GPD2: variants seen among roughly 807,000 people sequenced by gnomAD.
The protein encoded by GPD2 is glycerol-3-phosphate dehydrogenase 2, also known as glycerol-3-phosphate dehydrogenase, mitochondrial.
A neutral mutation model predicts 82.4 loss-of-function variants in GPD2; 54 were observed. That is an observed-to-expected ratio of 0.66 (90% CI 0.53 to 0.82). GPD2 has a LOEUF of 0.82. Among genes scored for constraint, GPD2 ranks in the 40% least tolerant of loss-of-function variants. GPD2 has a pLI of 0.00. For synonymous variants in GPD2, 288 were observed against 306.1 expected (o/e 0.94, Z 0.62); for missense variants, 748 against 896.2 (o/e 0.83, Z 2.11).
intron 6 of GPD2, among the ~76,000 whole-genome samples, chr2:156,523,357 T>G (rs574455030): frequency 1.3e-5 from 2 of 152,294 alleles, no homozygotes; most frequent in African/African-American, 4.8e-5. Context: ...TCAGCTACCA[T>G]TGATTTTTAA....
chr2:156,578,175 G>A (rs1687893038), intron 13 of GPD2, among the ~76,000 whole-genome samples: 1 of 152,152 alleles, frequency 6.6e-6, no homozygotes, highest in Non-Finnish European at 1.5e-5. Context: ...AATTGACACT[G>A]AGGACATTGA....
chr2:156,567,292 CTCT>C (rs1476265415), intron 9 of GPD2, among the ~76,000 whole-genome samples: 1 of 151,772 alleles, frequency 6.6e-6, no homozygotes, highest in Non-Finnish European at 1.5e-5. Flanking sequence ...TGTCATAAAG[CTCT>C]TCTTATATGT....
At chr2:156,534,851 C>A (rs566044392) in intron 6 of GPD2, among the ~76,000 whole-genome samples, 3 of 151,624 alleles carry the variant, frequency 2.0e-5, no homozygotes, top group African/African-American at 7.3e-5. Context: ...GACAAGGAAA[C>A]CATTGATTTA....
intron 9 of GPD2, among the ~76,000 whole-genome samples, chr2:156,564,189 T>C (rs539898521): frequency 3.3e-5 from 5 of 152,272 alleles, no homozygotes; most frequent in South Asian, 2.1e-4. Flanking sequence ...CAAGAGGTGA[T>C]TAATGATTTG....
the GPD2 span, among the ~76,000 whole-genome samples, chr2:156,403,114 CAAAA>C: frequency 1.5e-5 from 1 of 67,870 alleles, no homozygotes; most frequent in African/African-American, 5.4e-5. Flanking sequence ...GCCCCTGTCT[CAAAA>C]AAAAAAAAAA....
intron 13 of GPD2, among the ~76,000 whole-genome samples, chr2:156,574,782 G>A (rs1687757345): frequency 6.6e-6 from 1 of 152,020 alleles, no homozygotes. Flanking sequence ...TTGTTTGGGT[G>A]TTGGGGAAAA....
At chr2:156,581,213 G>A (rs1688012222) in intron 16 of GPD2, among the ~76,000 whole-genome samples, 1 of 151,874 alleles carries the variant, frequency 6.6e-6, no homozygotes, top group Non-Finnish European at 1.5e-5. Context: ...AAATGAAAGG[G>A]ACTATTCATG....
chr2:156,470,617 G>C (rs913797110), intron 1 of GPD2, among the ~76,000 whole-genome samples: 1 of 152,230 alleles, frequency 6.6e-6, no homozygotes, highest in Non-Finnish European at 1.5e-5. Flanking sequence ...CAGAGGCCAG[G>C]AAGTGCGATC....
intron 1 of GPD2, among the ~76,000 whole-genome samples, chr2:156,461,000 G>A (rs927958798): frequency 7.2e-5 from 11 of 151,946 alleles, no homozygotes; most frequent in Non-Finnish European, 1.6e-4. Context: ...GTATCCTAAT[G>A]AAAAAGCAAC....
intron 2 of GPD2, among the ~76,000 whole-genome samples, chr2:156,493,214 C>T (rs1684246406): frequency 6.6e-6 from 1 of 151,974 alleles, no homozygotes; most frequent in South Asian, 2.1e-4. Flanking sequence ...GAGAGTTGTC[C>T]CCCAGATGCC....
At chr2:156,406,350 T>C in the GPD2 span, among the ~76,000 whole-genome samples, 2 of 152,204 alleles carry the variant, frequency 1.3e-5, no homozygotes, top group African/African-American at 2.4e-5. Flanking sequence ...ATCATCCTGC[T>C]CACGATATGC....
chr2:156,469,385 G>A (rs1050218239), intron 1 of GPD2, among the ~76,000 whole-genome samples: 6 of 152,132 alleles, frequency 3.9e-5, no homozygotes, highest in Admixed American at 2.6e-4. Context: ...GGCTGGTTTC[G>A]AACTTCGGAA....
At position 156,570,277 on chromosome 2, in the gene GPD2, A is replaced by C. The variant is rs894614731; in HGVS notation, c.1608+59A>C. 3.3e-6 allele frequency: 5 copies of C among 1,500,432 alleles called. No homozygotes were observed. In the African/African-American group the frequency reaches 5.5e-5, roughly 17 times the overall value. The allele number at this position is 1,500,432 out of a possible 1,614,324, so 92.9% of individuals were successfully genotyped here. The stretch of plus-strand genomic sequence containing the variant: ...GCCATGGGATACCATTTATCTGTTC[A>C]TTTGTCATCTTTAAAAATTATATGT... On this transcript the variant is annotated intron_variant, in intron 12 of 16. Coordinates refer to ENST00000438166, the MANE Select transcript of GPD2 (RefSeq NM_000408.5).
At chr2:156,490,400 A>T (rs550691463) in intron 2 of GPD2, among the ~76,000 whole-genome samples, 47 of 151,980 alleles carry the variant, frequency 3.1e-4, no homozygotes, top group African/African-American at 1.0e-3. Flanking sequence ...AAAAAAAAAA[A>T]ACAAAAATAA....
intron 7 of GPD2, 30 bp from the exon 8 acceptor site, chr2:156,550,572 G>T (rs565041120): frequency 7.5e-6 from 12 of 1,610,084 alleles, no homozygotes; most frequent in Non-Finnish European, 7.7e-6. Context: ...AACAAATGAG[G>T]TGTGTGATTG....
chr2:156,495,195 G>A (rs1464582897), intron 2 of GPD2, among the ~76,000 whole-genome samples: 4 of 151,990 alleles, frequency 2.6e-5, no homozygotes, highest in South Asian at 2.1e-4. Context: ...CAAAAAATAC[G>A]AAAATCAGCC....
chr2:156,568,630 T>G (rs144897987), intron 9 of GPD2, among the ~76,000 whole-genome samples, 195 bp from the exon 10 acceptor site: 1 of 152,306 alleles, frequency 6.6e-6, no homozygotes, highest in Non-Finnish European at 1.5e-5. Flanking sequence ...GGAAATTATC[T>G]TTGTAACAGA....
the GPD2 span, among the ~76,000 whole-genome samples, chr2:156,410,611 C>T: frequency 6.6e-6 from 1 of 152,156 alleles, no homozygotes; most frequent in East Asian, 1.9e-4. Context: ...ACTCAAGCAA[C>T]CCTCCCGTCT....
At chr2:156,470,030 A>G (rs1683275544) in intron 1 of GPD2, among the ~76,000 whole-genome samples, 1 of 152,098 alleles carries the variant, frequency 6.6e-6, no homozygotes, top group South Asian at 2.1e-4. Flanking sequence ...CTGGTTGCCC[A>G]TTTTTATGGT....
Sources: allele counts gnomAD v4.1 joint callset (sites outside exome capture counted in the v4.1 genomes callset), GRCh38; gene constraint gnomAD v4.1.1; transcripts MANE v1.5; gene names NCBI Gene and HGNC (gene_info 2026-07-23, HGNC 2026-07-21).